The following DNAH7 variants were observed in gnomAD, a reference collection of about 807,000 sequenced individuals.
The protein encoded by DNAH7 is dynein axonemal heavy chain 7.
A neutral mutation model predicts 444.6 loss-of-function variants in DNAH7; 397 were observed. The observed-to-expected ratio is 0.89, with a 90% CI of 0.82 to 0.97. The LOEUF is 0.97. Among genes scored for constraint, DNAH7 ranks in the 50% least tolerant of loss-of-function variants. The pLI, the probability that DNAH7 is intolerant of heterozygous loss-of-function variation, is 0.00. For synonymous variants in DNAH7, 1,636 were observed against 1,624.4 expected, an observed-to-expected ratio of 1.01 and a Z score of -0.17; for missense variants, 4,902 against 4,800.8, an observed-to-expected ratio of 1.02 and a Z score of -0.62.
intron 12 of DNAH7, among the ~76,000 whole-genome samples, chr2:195,995,985 T>C (rs1693671321): frequency 6.6e-6 from 1 of 152,242 alleles, no homozygotes; most frequent in Non-Finnish European, 1.5e-5. Context: ...CTTTGGGTAG[T>C]ATGGACATTT....
chr2:195,788,082 G>A (rs73062142), intron 57 of DNAH7, among the ~76,000 whole-genome samples: 9,210 of 152,176 alleles, frequency 0.061, 379 homozygotes, highest in African/African-American at 0.12. Flanking sequence ...GTCCAGCAGG[G>A]GAGCCTAAGG....
Position 195,771,863 on chromosome 2 carries a change from A to G in DNAH7, c.11230T>C (p.Ser3744Pro). The G allele has an allele frequency of 6.2e-7, 1 of 1,614,186 alleles. No homozygotes were observed. Among genetic ancestry groups the G allele is most frequent in the Non-Finnish European group, 8.5e-7 (1 of 1,180,032 alleles). ...ACCTCATTCACTACTTCATCTGATG[A>G]TTTTGCACCAGCACCTGCTGAACGA... The part of the protein sequence containing the change: ...QSRSAGAGAK[S>P]SDEVVNEVAS... Residue 3744 changes from serine (S) to proline (P), a missense_variant, in exon 61 of 65, where the codon TCA (serine) becomes CCA (proline). By Grantham distance (74) the Ser-to-Pro change is moderately conservative. Transcript: ENST00000312428.
At chr2:195,802,849 C>G (rs1696539641) in intron 54 of DNAH7, among the ~76,000 whole-genome samples, 1 of 152,102 alleles carries the variant, frequency 6.6e-6, no homozygotes. Context: ...GGTCATCCAC[C>G]CTGCCACACC....
At chr2:195,886,844 G>C (rs1701739738) in intron 33 of DNAH7, among the ~76,000 whole-genome samples, 1 of 152,084 alleles carries the variant, frequency 6.6e-6, no homozygotes. Flanking sequence ...AGTTCTCATA[G>C]GCGTTTGTCT....
intron 18 of DNAH7, 31 bp downstream of exon 18, chr2:195,960,229 C>T (rs1559275416): frequency 6.5e-7 from 1 of 1,537,566 alleles, no homozygotes; most frequent in East Asian, 2.3e-5. Context: ...GGTAACATAG[C>T]ATAAACATTG....
rs533536203 is a variant in DNAH7, at chr2:195,991,714, A to G, written c.1354-3485T>C. ...TCATTTTATTTTCTAAGGCTCATGCAGTCATAATTCGCACACTTGTAACTT... is the reference window on the plus strand; with the variant it reads ...TCATTTTATTTTCTAAGGCTCATGCGGTCATAATTCGCACACTTGTAACTT... On this transcript the variant is annotated intron_variant, in intron 12 of 64. Coordinates refer to ENST00000312428, the MANE Select transcript of DNAH7 (RefSeq NM_018897.3). Among the ~76,000 whole-genome samples the G allele has an allele frequency of 4.6e-5, 7 of 152,332 alleles. No homozygotes were observed. In the South Asian group the frequency reaches 1.5e-3, roughly 32 times the overall value.
chr2:195,842,925 A>C (rs1415493666), intron 47 of DNAH7, among the ~76,000 whole-genome samples: 1 of 152,192 alleles, frequency 6.6e-6, no homozygotes, highest in African/African-American at 2.4e-5. Context: ...GAACCATGAT[A>C]TATAAATTGC....
chr2:195,973,910 A>T (rs1692015501), intron 15 of DNAH7, among the ~76,000 whole-genome samples: 1 of 151,994 alleles, frequency 6.6e-6, no homozygotes, highest in Non-Finnish European at 1.5e-5. Context: ...CCCCGTCTCT[A>T]CTAAAAATAT....
chr2:195,933,931 T>C (rs974924590), intron 21 of DNAH7, among the ~76,000 whole-genome samples: 1 of 152,006 alleles, frequency 6.6e-6, no homozygotes, highest in African/African-American at 2.4e-5. Flanking sequence ...TAAAATTAAT[T>C]AATTAGTTAT....
intron 63 of DNAH7, among the ~76,000 whole-genome samples, chr2:195,752,196 A>T (rs1693833827): frequency 1.3e-5 from 2 of 151,716 alleles, no homozygotes; most frequent in Admixed American, 1.3e-4. Flanking sequence ...ACTTGGGCCC[A>T]GGAGGTCAAG....
chr2:195,809,899 TAAATAA>T (rs1696884174), intron 51 of DNAH7, 28 bp from the exon 52 acceptor site: 6 of 1,464,826 alleles, frequency 4.1e-6, no homozygotes, highest in Non-Finnish European at 5.4e-6. Context: ...ATAAAGGAAA[TAAATAA>T]AAATATACTT....
Position 195,845,058 on chromosome 2 carries a change from C to G in DNAH7, c.8889G>C (p.Trp2963Cys). 3 of 1,613,814 alleles carry G rather than the reference C, an allele frequency of 1.9e-6. No individual in the cohort carries two copies. The highest frequency in any genetic ancestry group is 2.5e-6 in the Non-Finnish European group (3 of 1,179,902). The change falls in exon 47 of 65, where the codon TGG becomes TGC. Residue 2963 changes from tryptophan to cysteine, a missense_variant. Transcript: ENST00000312428. ...AGTCAGAAGGTAATCCAGCAATATT[C>G]CAAGTTCGAATTGTCACAGCTTCTC... ...TLGEAVTIRT[W>C]NIAGLPSDSF...
intron 2 of DNAH7, among the ~76,000 whole-genome samples, chr2:196,052,164 CA>C (rs915995884): frequency 1.3e-5 from 2 of 152,224 alleles, no homozygotes; most frequent in Non-Finnish European, 2.9e-5. Flanking sequence ...AGCTCTTCAG[CA>C]AATGTCTTTG....
intron 17 of DNAH7, 60 bp downstream of exon 17, chr2:195,969,888 A>G: frequency 6.5e-7 from 1 of 1,537,216 alleles, no homozygotes; most frequent in Non-Finnish European, 8.8e-7. Flanking sequence ...AATAACTAAA[A>G]CGAATTCAAT....
intron 19 of DNAH7, among the ~76,000 whole-genome samples, chr2:195,954,669 C>T (rs547982179): frequency 6.6e-6 from 1 of 152,202 alleles, no homozygotes; most frequent in African/African-American, 2.4e-5. Context: ...TCCTATTTCT[C>T]CACATCCTCT....
chr2:196,064,423 TA>T (rs1199645124), intron 1 of DNAH7, among the ~76,000 whole-genome samples: 2 of 151,942 alleles, frequency 1.3e-5, no homozygotes, highest in Non-Finnish European at 2.9e-5. Flanking sequence ...ATCACCCAAT[TA>T]ATTTATCTGT....
chr2:195,836,247 T>C (rs951338537), intron 47 of DNAH7, among the ~76,000 whole-genome samples: 2 of 152,180 alleles, frequency 1.3e-5, no homozygotes, highest in African/African-American at 4.8e-5. Context: ...GCCAGCATGG[T>C]GGCTTACGCT....
chr2:195,991,747 T>C (rs1231066409), intron 12 of DNAH7, among the ~76,000 whole-genome samples: 1 of 152,202 alleles, frequency 6.6e-6, no homozygotes, highest in Non-Finnish European at 1.5e-5. Flanking sequence ...CTTTCAGCCA[T>C]ACAATATGTG....
At chr2:195,962,589 A>G (rs1691185555) in intron 17 of DNAH7, among the ~76,000 whole-genome samples, 1 of 152,194 alleles carries the variant, frequency 6.6e-6, no homozygotes, top group Admixed American at 6.5e-5. Context: ...GGCTCAAGTG[A>G]TCTGCCTGCC....
Sources: allele counts gnomAD v4.1 joint callset (sites outside exome capture counted in the v4.1 genomes callset), GRCh38; gene constraint gnomAD v4.1.1; transcripts MANE v1.5; gene names NCBI Gene and HGNC (gene_info 2026-07-23, HGNC 2026-07-21).